The following FOXP1 variants were observed in gnomAD, a reference collection of about 807,000 sequenced individuals.
FOXP1 encodes the protein forkhead box P1, also known as forkhead box protein P1.
In FOXP1, 15 loss-of-function variants were observed where a neutral mutation model predicts 98.2. The ratio of observed to expected loss-of-function variants is 0.15; its 90% CI spans 0.10 to 0.24. FOXP1 has a LOEUF of 0.24. FOXP1 is among the 10% of genes least tolerant of loss of function. The pLI is 1.00. For synonymous variants in FOXP1, 371 were observed against 314.5 expected (o/e 1.18, Z -1.90); for missense variants, 633 against 848.5 (o/e 0.75, Z 3.15).
chr3:71,009,623 T>C (rs1464337703), intron 12 of FOXP1, among the ~76,000 whole-genome samples: 1 of 152,142 alleles, frequency 6.6e-6, no homozygotes, highest in Non-Finnish European at 1.5e-5. Context: ...TGGAAATTTT[T>C]GGATATTTAA....
intron 5 of FOXP1, among the ~76,000 whole-genome samples, chr3:71,243,753 A>G (rs2067486564): frequency 6.6e-6 from 1 of 152,190 alleles, no homozygotes; most frequent in South Asian, 2.1e-4. Context: ...CTTGTTTTCA[A>G]TTATGAAGCT....
At chr3:71,191,053 C>T (rs933013260) in intron 6 of FOXP1, among the ~76,000 whole-genome samples, 21 of 152,144 alleles carry the variant, frequency 1.4e-4, no homozygotes, top group African/African-American at 5.1e-4. Context: ...CCTTGTAACC[C>T]TTTTTATCAA....
At chr3:71,378,488 C>A (rs1021954019) in intron 3 of FOXP1, among the ~76,000 whole-genome samples, 4 of 152,130 alleles carry the variant, frequency 2.6e-5, no homozygotes, top group Non-Finnish European at 4.4e-5. Context: ...CTCTGTCCTA[C>A]CCACATGAGT....
intron 3 of FOXP1, among the ~76,000 whole-genome samples, chr3:71,424,041 G>A (rs933999161): frequency 6.6e-6 from 1 of 152,104 alleles, no homozygotes; most frequent in Non-Finnish European, 1.5e-5. Context: ...TGGTCTTCCC[G>A]CCTCAGCCTC....
At chr3:71,041,650 G>T in intron 10 of FOXP1, 118 bp from the exon 11 acceptor site, 1 of 1,006,084 alleles carries the variant, frequency 9.9e-7, no homozygotes, top group Non-Finnish European at 1.5e-6. Context: ...TTTTCGGTGT[G>T]TGCAGTTTTT....
At chr3:71,324,945 C>A (rs1489182703) in intron 4 of FOXP1, among the ~76,000 whole-genome samples, 2 of 152,184 alleles carry the variant, frequency 1.3e-5, no homozygotes, top group East Asian at 3.8e-4. Flanking sequence ...GGCACCCCAG[C>A]CATGACTCAG....
intron 6 of FOXP1, among the ~76,000 whole-genome samples, chr3:71,188,157 A>G (rs1054484478): frequency 2.6e-5 from 4 of 152,218 alleles, no homozygotes; most frequent in Admixed American, 1.3e-4. Context: ...AAGACATTTT[A>G]CGCACAATTT....
chr3:71,404,066 G>C (rs1469310348), intron 3 of FOXP1, among the ~76,000 whole-genome samples: 2 of 151,660 alleles, frequency 1.3e-5, no homozygotes, highest in East Asian at 3.9e-4. Flanking sequence ...TACCTTAGAG[G>C]AGGGGATGGG....
At chr3:71,582,554 C>G in intron 1 of FOXP1, 2 of 985,432 alleles carry the variant, frequency 2.0e-6, no homozygotes, top group Non-Finnish European at 2.4e-6. Context: ...AGGCGACACG[C>G]GCGCGACGCA....
Position 71,195,468 on chromosome 3 carries a change from C to T in FOXP1, c.180+2734G>A, listed in dbSNP as rs147798166. ...ATCCTCCAACATTCAATATAACACA[C>T]AGCGTAATTAACTCGTTTTTATACC... On this transcript the variant is annotated intron_variant, in intron 6 of 20. Coordinates refer to ENST00000649528, the MANE Select transcript of FOXP1 (RefSeq NM_001349338.3). Among the ~76,000 whole-genome samples, 230 of 152,308 alleles carry T rather than the reference C, an allele frequency of 1.5e-3. 2 individuals carry two copies. The highest frequency in any genetic ancestry group is 5.3e-3 in the African/African-American group (222 of 41,578).
At chr3:71,538,365 G>C (rs535736222) in intron 2 of FOXP1, among the ~76,000 whole-genome samples, 5 of 152,290 alleles carry the variant, frequency 3.3e-5, no homozygotes, top group Admixed American at 1.3e-4. Flanking sequence ...AATCTACTTT[G>C]TGTCTTAATG....
chr3:71,245,797 A>T (rs1373971354), intron 5 of FOXP1, among the ~76,000 whole-genome samples: 2 of 148,886 alleles, frequency 1.3e-5, no homozygotes, highest in South Asian at 4.3e-4. Flanking sequence ...TCCTCCAATC[A>T]CCACCCCCCC....
At chr3:71,260,279 G>A (rs550228646) in intron 5 of FOXP1, among the ~76,000 whole-genome samples, 8 of 152,122 alleles carry the variant, frequency 5.3e-5, no homozygotes, top group Admixed American at 2.6e-4. Context: ...CACCGCGCCC[G>A]GCCAACACTT....
chr3:71,550,815 C>T (rs746886949), intron 2 of FOXP1, among the ~76,000 whole-genome samples: 3 of 152,124 alleles, frequency 2.0e-5, no homozygotes, highest in East Asian at 1.9e-4. Flanking sequence ...TATACCACTC[C>T]GCAGCATACA....
At chr3:71,247,090 C>G (rs1560181352) in intron 5 of FOXP1, among the ~76,000 whole-genome samples, 1 of 64,144 alleles carries the variant, frequency 1.6e-5, no homozygotes, top group Non-Finnish European at 3.4e-5. Flanking sequence ...GATCTCAGTG[C>G]TAGCATCTTA....
At chr3:71,568,653 C>T (rs1020555931) in intron 2 of FOXP1, among the ~76,000 whole-genome samples, 2 of 148,954 alleles carry the variant, frequency 1.3e-5, no homozygotes, top group Non-Finnish European at 3.0e-5. Context: ...AATTTTTTTT[C>T]TTTTTTTTTT....
At chr3:71,430,375 G>T (rs985617122) in intron 3 of FOXP1, among the ~76,000 whole-genome samples, 2 of 152,128 alleles carry the variant, frequency 1.3e-5, no homozygotes, top group South Asian at 2.1e-4. Context: ...AAAAAGAAAG[G>T]TTATGAAATT....
At chr3:71,036,661 T>C (rs1319507302) in intron 11 of FOXP1, among the ~76,000 whole-genome samples, 3 of 152,196 alleles carry the variant, frequency 2.0e-5, no homozygotes, top group Admixed American at 2.0e-4. Context: ...ATACGTTATT[T>C]TGGATCTGCC....
At chr3:71,531,578 GAAGAA>G (rs759945576) in intron 2 of FOXP1, among the ~76,000 whole-genome samples, 1 of 152,182 alleles carries the variant, frequency 6.6e-6, no homozygotes, top group Non-Finnish European at 1.5e-5. Flanking sequence ...TTAGGAGTAA[GAAGAA>G]AATACACAAC....
Sources: allele counts gnomAD v4.1 joint callset (sites outside exome capture counted in the v4.1 genomes callset), GRCh38; gene constraint gnomAD v4.1.1; transcripts MANE v1.5; gene names NCBI Gene and HGNC (gene_info 2026-07-23, HGNC 2026-07-21).